Variants in SEMA6D observed in about 807,000 individuals in gnomAD.
The protein encoded by SEMA6D is semaphorin-6D.
SEMA6D carries 35 observed loss-of-function variants against 106.6 expected under a neutral mutation model. That is an observed-to-expected ratio of 0.33 (90% confidence interval 0.25 to 0.44). SEMA6D has a LOEUF of 0.44. Ranked by LOEUF, SEMA6D falls within the 20% of genes least tolerant of loss-of-function variation. SEMA6D has a pLI of 1.00. For missense variants in SEMA6D, 1,185 were observed against 1,345.9 expected (o/e 0.88, Z 1.87); for synonymous variants, 499 against 487.7 (o/e 1.02, Z -0.31).
chr15:47,487,127 C>T (rs554910392), intron 3 of SEMA6D, among the ~76,000 whole-genome samples: 2 of 152,226 alleles, frequency 1.3e-5, no homozygotes, highest in African/African-American at 4.8e-5. Context: ...TTCGTAAAGA[C>T]AATCAAACAA....
At chr15:47,720,699 TG>T (rs2079374894) in intron 1 of SEMA6D, among the ~76,000 whole-genome samples, 1 of 152,222 alleles carries the variant, frequency 6.6e-6, no homozygotes, top group Admixed American at 6.5e-5. Context: ...TGGCCATAAT[TG>T]CTAAAGACTT....
chr15:47,658,824 A>G (rs922328940), intron 4 of SEMA6D, among the ~76,000 whole-genome samples: 1 of 152,078 alleles, frequency 6.6e-6, no homozygotes, highest in Non-Finnish European at 1.5e-5. Context: ...TAACTTCCCT[A>G]GATCCACAAA....
chr15:47,432,072 A>G (rs903945999), intron 2 of SEMA6D, among the ~76,000 whole-genome samples: 16 of 152,044 alleles, frequency 1.1e-4, no homozygotes, highest in Admixed American at 9.8e-4. Context: ...TGAGGCACTG[A>G]GATCTAAAAA....
chr15:47,561,874 G>A (rs2046091951), intron 3 of SEMA6D, among the ~76,000 whole-genome samples: 2 of 151,828 alleles, frequency 1.3e-5, no homozygotes, highest in Admixed American at 1.3e-4. Flanking sequence ...CCAACTCTAA[G>A]TTAGTATTTT....
chr15:47,602,041 A>C (rs2143492765), intron 4 of SEMA6D, among the ~76,000 whole-genome samples: 1 of 152,340 alleles, frequency 6.6e-6, no homozygotes, highest in Middle Eastern at 3.4e-3. Flanking sequence ...GAGTTCTTAA[A>C]ATATATTTTT....
At chr15:47,690,584 C>T (rs933123961) in intron 4 of SEMA6D, among the ~76,000 whole-genome samples, 1 of 152,058 alleles carries the variant, frequency 6.6e-6, no homozygotes, top group Non-Finnish European at 1.5e-5. Flanking sequence ...CCTACTCTAA[C>T]AGACCAAATA....
At chr15:47,769,979 G>C (rs570924248) in intron 18 of SEMA6D, among the ~76,000 whole-genome samples, 2 of 152,014 alleles carry the variant, frequency 1.3e-5, no homozygotes, top group East Asian at 3.9e-4. Context: ...CAGTGATCAA[G>C]CAGATATTTT....
chr15:47,449,231 T>C (rs1279481144), intron 2 of SEMA6D, among the ~76,000 whole-genome samples: 8 of 152,134 alleles, frequency 5.3e-5, no homozygotes, highest in African/African-American at 7.2e-5. Flanking sequence ...GATTAAGCTT[T>C]ACCAATATTC....
intron 3 of SEMA6D, among the ~76,000 whole-genome samples, chr15:47,555,568 T>C (rs772492450): frequency 6.6e-6 from 1 of 152,156 alleles, no homozygotes; most frequent in Admixed American, 6.6e-5. Context: ...TCCAAGTTAC[T>C]AAATTTACTG....
At chr15:47,296,712 C>G (rs959470395) in intron 1 of SEMA6D, among the ~76,000 whole-genome samples, 3 of 152,178 alleles carry the variant, frequency 2.0e-5, no homozygotes, top group Admixed American at 6.5e-5. Flanking sequence ...GAAAAATACT[C>G]TTTCCTTTAG....
At chr15:47,308,997 T>C (rs2036336768) in intron 1 of SEMA6D, among the ~76,000 whole-genome samples, 1 of 152,176 alleles carries the variant, frequency 6.6e-6, no homozygotes, top group Non-Finnish European at 1.5e-5. Context: ...GGTGAACACT[T>C]AAGTTGCGCC....
At chr15:47,429,184 A>C (rs1352014890) in intron 2 of SEMA6D, among the ~76,000 whole-genome samples, 1 of 152,094 alleles carries the variant, frequency 6.6e-6, no homozygotes, top group Non-Finnish European at 1.5e-5. Context: ...TAACGATACC[A>C]TGCAGAGAGC....
intron 4 of SEMA6D, among the ~76,000 whole-genome samples, chr15:47,606,770 A>G (rs1303633223): frequency 6.6e-6 from 1 of 152,144 alleles, no homozygotes; most frequent in Non-Finnish European, 1.5e-5. Flanking sequence ...TATTTACATT[A>G]CTAAACTCTT....
chr15:47,239,094 G>C (rs1283010430), intron 1 of SEMA6D, among the ~76,000 whole-genome samples: 1 of 152,098 alleles, frequency 6.6e-6, no homozygotes, highest in East Asian at 1.9e-4. Flanking sequence ...TCACATTACT[G>C]CCTGAGCTCT....
chr15:47,310,443 G>T (rs766219878), intron 1 of SEMA6D, among the ~76,000 whole-genome samples: 1 of 152,110 alleles, frequency 6.6e-6, no homozygotes, highest in Non-Finnish European at 1.5e-5. Context: ...TTACTTATTT[G>T]CAATGAGCCA....
rs143072835 is a variant in SEMA6D, at chr15:47,619,674, T to C, written c.-55+18778T>C. On this transcript the variant is annotated intron_variant, in intron 4 of 19. Transcript: ENST00000558014. ...GAAGTCTGTTTTTAACAAGCCATCA[T>C]GGTGATTTGGTTTGCTCGCTAAAGT... Among the ~76,000 whole-genome samples the C allele has an allele frequency of 1.5e-3, 226 of 152,320 alleles. 3 individuals are homozygous for C. Among genetic ancestry groups the C allele is most frequent in the African/African-American group, 5.3e-3 (219 of 41,578 alleles).
At chr15:47,433,881 T>C (rs2041617000) in intron 2 of SEMA6D, among the ~76,000 whole-genome samples, 1 of 152,130 alleles carries the variant, frequency 6.6e-6, no homozygotes. Flanking sequence ...AAATAATCAG[T>C]AATAGAAGCA....
intron 3 of SEMA6D, among the ~76,000 whole-genome samples, chr15:47,592,094 C>G (rs1012442052): frequency 6.6e-6 from 1 of 152,152 alleles, no homozygotes; most frequent in Admixed American, 6.5e-5. Flanking sequence ...CAGCCCTAAT[C>G]TAGGTCTCCA....
intron 4 of SEMA6D, among the ~76,000 whole-genome samples, chr15:47,707,128 C>G (rs965351130): frequency 6.6e-6 from 1 of 152,178 alleles, no homozygotes; most frequent in Non-Finnish European, 1.5e-5. Context: ...GATCCACTCT[C>G]TTTTATGTTT....
Sources: gnomAD v4.1 joint callset for allele counts (sites outside exome capture counted in the v4.1 genomes callset) on GRCh38, gnomAD v4.1.1 for gene constraint, MANE v1.5 for transcripts, NCBI Gene and HGNC (gene_info 2026-07-23, HGNC 2026-07-21) for gene names.